CHM: variants seen among roughly 807,000 people sequenced by gnomAD.
CHM encodes the protein CHM Rab escort protein.
Under a neutral mutation model 49.0 loss-of-function variants are expected in CHM, and 10 were observed. That is an observed-to-expected ratio of 0.20 (90% confidence interval 0.13 to 0.35). The LOEUF is 0.35. Among genes scored for constraint, CHM ranks in the 10% least tolerant of loss-of-function variants. The probability of loss-of-function intolerance (pLI) is 1.00; values close to 1 mark genes in which losing one functional copy is unlikely to be tolerated. For synonymous variants in CHM, 184 were observed against 167.5 expected, an observed-to-expected ratio of 1.10 and a Z score of -0.76; for missense variants, 455 against 478.4, an observed-to-expected ratio of 0.95 and a Z score of 0.46.
intron 14 of CHM, among the ~76,000 whole-genome samples, chrX:85,872,471 T>C (rs1448358540): frequency 8.9e-6 from 1 of 111,791 alleles, no homozygotes; most frequent in Non-Finnish European, 1.9e-5. Context: ...TATCACAAAC[T>C]TCCACCTTAC....
At chrX:85,920,240 C>T (rs932034318) in intron 8 of CHM, among the ~76,000 whole-genome samples, 9 of 109,790 alleles carry the variant, frequency 8.2e-5, no homozygotes, top group African/African-American at 1.3e-4. Flanking sequence ...GGACTACAGG[C>T]GCCCACCACC....
chrX:85,988,117 T>C (rs1932009236), intron 2 of CHM, among the ~76,000 whole-genome samples: 1 of 111,925 alleles, frequency 8.9e-6, no homozygotes. Context: ...AACAAAATAC[T>C]TGCAAACGGA....
chrX:85,936,065 C>T (rs1292452894), intron 8 of CHM, among the ~76,000 whole-genome samples: 1 of 111,862 alleles, frequency 8.9e-6, no homozygotes, highest in African/African-American at 3.2e-5. Flanking sequence ...GAGTAAAACA[C>T]AGAATTTGAT....
chrX:86,021,026 A>G (rs1399084849), intron 2 of CHM, among the ~76,000 whole-genome samples: 17 of 98,902 alleles, frequency 1.7e-4, no homozygotes, highest in Non-Finnish European at 3.4e-4. Context: ...ACACATATAT[A>G]CACACACATA....
At chrX:85,974,207 C>G (rs1432533964) in intron 4 of CHM, among the ~76,000 whole-genome samples, 1 of 111,857 alleles carries the variant, frequency 8.9e-6, no homozygotes, top group Non-Finnish European at 1.9e-5. Flanking sequence ...TGTACAGGAT[C>G]AGTATGCTGA....
chrX:86,045,558 GA>G (rs1428418678), intron 1 of CHM, among the ~76,000 whole-genome samples: 2 of 111,554 alleles, frequency 1.8e-5, no homozygotes, highest in East Asian at 2.8e-4. Flanking sequence ...CACTCACTGG[GA>G]TAAGTATAAA....
At chrX:86,044,637 G>A (rs1208361474) in intron 1 of CHM, among the ~76,000 whole-genome samples, 3 of 111,482 alleles carry the variant, frequency 2.7e-5, no homozygotes, top group African/African-American at 6.5e-5. Flanking sequence ...GACTTTTAAC[G>A]TTCAACCAAT....
intron 1 of CHM, among the ~76,000 whole-genome samples, chrX:86,039,708 G>A (rs966129455): frequency 2.7e-5 from 3 of 110,372 alleles, no homozygotes; most frequent in African/African-American, 6.6e-5. Context: ...TGCCTTTTCC[G>A]AAACCACTTA....
intron 1 of CHM, among the ~76,000 whole-genome samples, chrX:86,044,683 A>G (rs1208914978): frequency 9.0e-6 from 1 of 111,661 alleles, no homozygotes; most frequent in African/African-American, 3.3e-5. Context: ...TGTCATTTAA[A>G]TGACTTTTTA....
intron 2 of CHM, among the ~76,000 whole-genome samples, chrX:86,001,785 C>T (rs909099357): frequency 1.8e-5 from 2 of 109,781 alleles, no homozygotes; most frequent in Non-Finnish European, 3.8e-5. Flanking sequence ...GACAAATATC[C>T]GAGCCACATC....
At chrX:85,961,545 G>A (rs2147671866) in intron 5 of CHM, among the ~76,000 whole-genome samples, 1 of 108,151 alleles carries the variant, frequency 9.2e-6, no homozygotes, top group African/African-American at 3.4e-5. Flanking sequence ...TCTAAGGAGT[G>A]ACCAATTGCC....
rs761563746 is a variant in CHM, at chrX:85,868,429, G to A, written c.1771-3608C>T. 2.5e-4 allele frequency among the ~76,000 whole-genome samples: 28 copies of A among 110,933 alleles called. 1 individual carries two copies. Among genetic ancestry groups the A allele is most frequent in the East Asian group, 2.8e-4 (1 of 3,524 alleles). The stretch of plus-strand genomic sequence containing the variant: ...CACCATACTCCTTTGCTAGAGACAC[G>A]CAACCCCTGTAGAAGCAGGACCTAG... On this transcript the variant is annotated intron_variant, in intron 14 of 14. Coordinates refer to ENST00000357749, the MANE Select transcript of CHM (RefSeq NM_000390.4).
intron 2 of CHM, among the ~76,000 whole-genome samples, chrX:86,007,386 C>G (rs1932884274): frequency 9.0e-6 from 1 of 111,667 alleles, no homozygotes; most frequent in East Asian, 2.8e-4. Flanking sequence ...AAAGCAATGG[C>G]AACAAAAGCC....
chrX:85,919,661 A>T (rs1394628024), intron 8 of CHM, among the ~76,000 whole-genome samples: 1 of 111,950 alleles, frequency 8.9e-6, no homozygotes, highest in Non-Finnish European at 1.9e-5. Flanking sequence ...ATTATAGAAG[A>T]AGTTTAATAA....
chrX:85,971,448 C>T lies in CHM; in HGVS notation c.314+7319G>A, dbSNP rs148339190. Reference sequence around the variant, plus strand: ...GCTCAGGAGTGAAGCTGCAGACCTTCGCGGTGAATGTTACAGCTCTTAAGG... The same window carrying T: ...GCTCAGGAGTGAAGCTGCAGACCTTTGCGGTGAATGTTACAGCTCTTAAGG... On this transcript the variant is annotated intron_variant, in intron 4 of 14. Coordinates refer to ENST00000357749, the MANE Select transcript of CHM (RefSeq NM_000390.4). The T allele has an allele frequency of 3.3e-3, 540 of 163,004 alleles. 4 individuals are homozygous for T. The highest frequency in any genetic ancestry group is 0.016 in the African/African-American group (509 of 31,031). The allele number at this position is 163,004 out of a possible 1,213,427, so 13.4% of individuals were successfully genotyped here.
At chrX:86,008,025 AG>A (rs1932902702) in intron 2 of CHM, among the ~76,000 whole-genome samples, 1 of 112,260 alleles carries the variant, frequency 8.9e-6, no homozygotes, top group African/African-American at 3.2e-5. Context: ...CAACAATGAC[AG>A]ACTGGATTAA....
intron 8 of CHM, among the ~76,000 whole-genome samples, chrX:85,933,834 G>A (rs983493043): frequency 1.1e-4 from 12 of 111,831 alleles, no homozygotes; most frequent in African/African-American, 3.9e-4. Flanking sequence ...TTACAAACAC[G>A]TGTGTATCTG....
intron 9 of CHM, among the ~76,000 whole-genome samples, chrX:85,907,471 A>C (rs544505026): frequency 1.8e-5 from 2 of 112,789 alleles, no homozygotes; most frequent in South Asian, 7.3e-4. Flanking sequence ...AGTTTTTCTA[A>C]AAACAGTCAA....
chrX:85,910,674 C>A (rs1211563573), intron 9 of CHM, among the ~76,000 whole-genome samples: 1 of 111,379 alleles, frequency 9.0e-6, no homozygotes, highest in East Asian at 2.8e-4. Context: ...GATAAGAGGG[C>A]AGCATGGTTT....
Sources: gnomAD v4.1 joint callset for allele counts (sites outside exome capture counted in the v4.1 genomes callset) on GRCh38, gnomAD v4.1.1 for gene constraint, MANE v1.5 for transcripts, NCBI Gene and HGNC (gene_info 2026-07-23, HGNC 2026-07-21) for gene names.